Variants in CCDC171 observed in about 807,000 individuals in gnomAD.
The protein encoded by CCDC171 is coiled-coil domain-containing protein 171.
In CCDC171, 177 loss-of-function variants were observed where a neutral mutation model predicts 168.2. The ratio of observed to expected loss-of-function variants is 1.05; its 90% CI spans 0.93 to 1.19. The LOEUF is 1.19. Among genes scored for constraint, CCDC171 ranks in the 50% most tolerant of loss-of-function variants. The probability of loss-of-function intolerance (pLI) is 0.00; values close to 1 mark genes in which losing one functional copy is unlikely to be tolerated. For synonymous variants in CCDC171, 687 were observed against 540.8 expected, an observed-to-expected ratio of 1.27 and a Z score of -3.75; for missense variants, 1,991 against 1,539.0, an observed-to-expected ratio of 1.29 and a Z score of -4.91.
chr9:15,650,586 G>A (rs560830373), intron 7 of CCDC171, among the ~76,000 whole-genome samples: 6 of 151,970 alleles, frequency 3.9e-5, no homozygotes, highest in African/African-American at 7.2e-5. Context: ...TCCTTTTATC[G>A]TATGATTTCT....
rs1186004846 is a variant in CCDC171, at chr9:15,670,028, C to G, written c.1076+3705C>G. ...TCCTAGCTACAAACTTACTTCTCCT[C>G]TCTTCCCTTTCTTGCCTAAATCCTC... On this transcript the variant is annotated intron_variant, in intron 9 of 25. Coordinates refer to ENST00000380701, the MANE Select transcript of CCDC171 (RefSeq NM_173550.4). Among the ~76,000 whole-genome samples the G allele has an allele frequency of 3.3e-5, 5 of 150,892 alleles. 1 individual carries two copies. Among genetic ancestry groups the G allele is most frequent in the Admixed American group, 2.6e-4 (4 of 15,156 alleles).
At chr9:15,965,478 G>A (rs1456932226) in intron 25 of CCDC171, among the ~76,000 whole-genome samples, 1 of 152,182 alleles carries the variant, frequency 6.6e-6, no homozygotes, top group Non-Finnish European at 1.5e-5. Flanking sequence ...AGCAAGCTGT[G>A]CAACCTGTGG....
intron 18 of CCDC171, among the ~76,000 whole-genome samples, chr9:15,766,211 A>G (rs1010184241): frequency 1.3e-5 from 2 of 152,116 alleles, no homozygotes; most frequent in African/African-American, 4.8e-5. Context: ...TGTAGTGCAT[A>G]TGAAGCTCCT....
chr9:15,887,545 A>G (rs1008658127), intron 24 of CCDC171, among the ~76,000 whole-genome samples: 4 of 152,182 alleles, frequency 2.6e-5, no homozygotes, highest in Non-Finnish European at 5.9e-5. Context: ...GCAATTCATG[A>G]GTTGTACAGC....
rs1339170762 is a variant in CCDC171 at position 15,735,154 on chromosome 9, G to C, written c.2049+5356G>C. 2.0e-5 allele frequency among the ~76,000 whole-genome samples: 3 copies of C among 152,176 alleles called. No homozygotes were observed. In the East Asian group the frequency reaches 5.8e-4, roughly 29 times the overall value. Reference sequence around the variant, plus strand: ...TTAGTGTAAATGCTACTAGAAAAATGAAATTTGTAGAGAAGGCAGACTGGT... The same window carrying C: ...TTAGTGTAAATGCTACTAGAAAAATCAAATTTGTAGAGAAGGCAGACTGGT... On this transcript the variant is annotated intron_variant, in intron 16 of 25. Transcript: ENST00000380701.
In CCDC171 at chr9:15,677,879, C is replaced by CATATATAT. The variant is rs71325929; in HGVS notation, c.1077-839_1077-832dup. On this transcript the variant is annotated intron_variant, in intron 9 of 25. Coordinates refer to ENST00000380701, the MANE Select transcript of CCDC171 (RefSeq NM_173550.4). ...TGTATATATATATGTGTGTGTGTGT[C>CATATATAT]ATATATATATATATATATATATATA... Among the ~76,000 whole-genome samples, 6 of 12,480 alleles carry CATATATAT rather than the reference C, an allele frequency of 4.8e-4. 1 individual carries two copies. The highest frequency in any genetic ancestry group is 1.1e-3 in the African/African-American group (5 of 4,394). The allele number at this position is 12,480 out of a possible 152,430, so 8.2% of individuals were successfully genotyped here.
intron 20 of CCDC171, among the ~76,000 whole-genome samples, chr9:15,783,098 A>G (rs2057749747): frequency 6.6e-6 from 1 of 152,202 alleles, no homozygotes; most frequent in Non-Finnish European, 1.5e-5. Context: ...ATGAGTTTTA[A>G]AAGACAGTTG....
At chr9:16,017,831 G>A (rs1405030359) in intron 3 of CCDC171, among the ~76,000 whole-genome samples, 1 of 152,190 alleles carries the variant, frequency 6.6e-6, no homozygotes, top group East Asian at 1.9e-4. Context: ...AAGAGGCCTA[G>A]GTTGAGCTTT....
chr9:15,697,178 C>T (rs987881814), intron 11 of CCDC171, among the ~76,000 whole-genome samples: 1 of 152,194 alleles, frequency 6.6e-6, no homozygotes, highest in Non-Finnish European at 1.5e-5. Flanking sequence ...CCTCTGCTTC[C>T]TCTGCTCCAC....
chr9:15,884,310 T>G (rs770208), intron 24 of CCDC171, among the ~76,000 whole-genome samples: 1 of 152,162 alleles, frequency 6.6e-6, no homozygotes, highest in Non-Finnish European at 1.5e-5. Flanking sequence ...GAAAATTAAA[T>G]CGCACTAATA....
At chr9:16,054,475 C>T (rs903720765) in intron 1 of CCDC171, among the ~76,000 whole-genome samples, 6 of 152,010 alleles carry the variant, frequency 3.9e-5, no homozygotes, top group African/African-American at 9.7e-5. Context: ...TCAGGCATAG[C>T]GAGTCCCATA....
In CCDC171 at chr9:15,835,978, T is replaced by C. The variant is rs1463402484; in HGVS notation, c.3268-10724T>C. Among the ~76,000 whole-genome samples, 3 of 152,146 alleles carry C rather than the reference T, an allele frequency of 2.0e-5. No homozygotes were observed. The East Asian group carries it at 5.8e-4, about 29-fold the overall frequency. On this transcript the variant is annotated intron_variant, in intron 21 of 25. Coordinates refer to ENST00000380701, the MANE Select transcript of CCDC171 (RefSeq NM_173550.4). ...TTTTAATTATTAAATTATTTTTCTA[T>C]AATGTCCTTATATTTACATACTCAC...
At chr9:15,631,623 C>T (rs957308670) in intron 7 of CCDC171, among the ~76,000 whole-genome samples, 1 of 152,224 alleles carries the variant, frequency 6.6e-6, no homozygotes, top group Non-Finnish European at 1.5e-5. Flanking sequence ...CCTTCTGAAA[C>T]TATTCCAGTC....
intron 3 of CCDC171, among the ~76,000 whole-genome samples, chr9:16,003,272 G>A (rs1391290464): frequency 1.3e-5 from 2 of 152,062 alleles, no homozygotes; most frequent in Admixed American, 6.6e-5. Context: ...GAAGGTGATG[G>A]GACTAGATGA....
chr9:15,632,926 A>G lies in CCDC171; in HGVS notation c.822+9513A>G, dbSNP rs199909199. ...GAGAAAAACAAGCAACGCGGAAAGG[A>G]TTCCCTGTTTAATAAATGGTGCTGG... On this transcript the variant is annotated intron_variant, in intron 7 of 25. Transcript: ENST00000380701. Among the ~76,000 whole-genome samples, 5 of 152,326 alleles carry G rather than the reference A, an allele frequency of 3.3e-5. No individual in the cohort carries two copies. In the East Asian group the frequency reaches 5.8e-4, roughly 18 times the overall value.
intron 11 of CCDC171, among the ~76,000 whole-genome samples, chr9:15,712,093 C>T (rs2052712742): frequency 6.6e-6 from 1 of 152,130 alleles, no homozygotes. Flanking sequence ...ATGTTGCAGC[C>T]CAAAGACAGC....
chr9:15,820,046 C>G lies in CCDC171; in HGVS notation c.3268-26656C>G, dbSNP rs2059705595. Among the ~76,000 whole-genome samples, 2 of 117,722 alleles carry G rather than the reference C, an allele frequency of 1.7e-5. 1 individual carries two copies. The highest frequency in any genetic ancestry group is 6.4e-5 in the African/African-American group (2 of 31,168). 77.2% of individuals were successfully genotyped at this position (117,722 alleles called of 152,430 possible). ...ACAGGATTAAGAAACTCACTCAAAA[C>G]TGCTCAACTACAGGGAAACTGAACA... On this transcript the variant is annotated intron_variant, in intron 21 of 25. Transcript: ENST00000380701.
At chr9:15,969,796 T>C (rs1259472098) in intron 25 of CCDC171, among the ~76,000 whole-genome samples, 2 of 152,174 alleles carry the variant, frequency 1.3e-5, no homozygotes, top group African/African-American at 4.8e-5. Context: ...GTAATGTTTA[T>C]AGCTGCAAAG....
intron 1 of CCDC171, among the ~76,000 whole-genome samples, chr9:15,555,460 C>T (rs7873152): frequency 0.54 from 81,984 of 151,756 alleles, 22,512 homozygotes; most frequent in East Asian, 0.74. Flanking sequence ...AGTTTCGATA[C>T]GGGGAAAAAT....
Sources: gnomAD v4.1 joint callset for allele counts (sites outside exome capture counted in the v4.1 genomes callset) on GRCh38, gnomAD v4.1.1 for gene constraint, MANE v1.5 for transcripts, NCBI Gene and HGNC (gene_info 2026-07-23, HGNC 2026-07-21) for gene names.